Variants in CNTNAP2 observed in about 807,000 individuals in gnomAD.
CNTNAP2 encodes contactin associated protein 2, also known as contactin-associated protein-like 2.
In CNTNAP2, 98 loss-of-function variants were observed where a neutral mutation model predicts 155.2. The observed-to-expected ratio is 0.63, with a 90% confidence interval of 0.54 to 0.75. CNTNAP2 has a LOEUF of 0.75. CNTNAP2 is among the 30% of genes least tolerant of loss of function. CNTNAP2 has a pLI of 0.00. For missense variants in CNTNAP2, 1,727 were observed against 1,688.1 expected (o/e 1.02, Z -0.40); for synonymous variants, 651 against 631.2 (o/e 1.03, Z -0.47).
At chr7:146,218,281 G>A (rs750245476) in intron 1 of CNTNAP2, among the ~76,000 whole-genome samples, 6 of 152,222 alleles carry the variant, frequency 3.9e-5, no homozygotes, top group East Asian at 1.9e-4. Flanking sequence ...AGGCCGAGGC[G>A]GGCAGATCAC....
intron 1 of CNTNAP2, among the ~76,000 whole-genome samples, chr7:146,684,686 T>C (rs957309838): frequency 7.1e-6 from 1 of 140,258 alleles, no homozygotes; most frequent in Non-Finnish European, 1.5e-5. Flanking sequence ...CTGCCAGTTA[T>C]TGACTATGTG....
chr7:147,510,799 T>C (rs1799002407), intron 11 of CNTNAP2, among the ~76,000 whole-genome samples: 1 of 143,516 alleles, frequency 7.0e-6, no homozygotes, highest in Non-Finnish European at 1.5e-5. Flanking sequence ...CAACACTCAA[T>C]TTCTAAATTT....
chr7:148,295,372 A>G (rs959560543), intron 21 of CNTNAP2, among the ~76,000 whole-genome samples: 3 of 150,982 alleles, frequency 2.0e-5, no homozygotes, highest in East Asian at 1.9e-4. Flanking sequence ...TCTTGTAACT[A>G]TAGTAACAAG....
At chr7:148,270,686 A>G (rs1410782094) in intron 21 of CNTNAP2, among the ~76,000 whole-genome samples, 1 of 152,230 alleles carries the variant, frequency 6.6e-6, no homozygotes, top group African/African-American at 2.4e-5. Flanking sequence ...AATCAGTAAG[A>G]TTCGCACAGA....
intron 1 of CNTNAP2, among the ~76,000 whole-genome samples, chr7:146,421,401 A>G (rs1796010465): frequency 6.6e-6 from 1 of 152,144 alleles, no homozygotes; most frequent in East Asian, 1.9e-4. Flanking sequence ...ATCTATTACT[A>G]GTTATAATGA....
At chr7:147,311,896 G>A (rs2116797262) in intron 9 of CNTNAP2, among the ~76,000 whole-genome samples, 1 of 152,146 alleles carries the variant, frequency 6.6e-6, no homozygotes, top group South Asian at 2.1e-4. Context: ...GTCTGTTATT[G>A]CTTATTTTGT....
chr7:146,934,791 A>T (rs1374062205), intron 3 of CNTNAP2, among the ~76,000 whole-genome samples: 7 of 152,172 alleles, frequency 4.6e-5, no homozygotes, highest in Non-Finnish European at 8.8e-5. Flanking sequence ...TTAAATATAT[A>T]ATCAGTTACT....
chr7:147,726,605 C>A (rs965977049), intron 13 of CNTNAP2, among the ~76,000 whole-genome samples: 8 of 151,980 alleles, frequency 5.3e-5, no homozygotes, highest in Non-Finnish European at 1.2e-4. Flanking sequence ...AGGTTGAGAA[C>A]GTCTTTGTCC....
chr7:147,306,234 G>C (rs1289410086), intron 9 of CNTNAP2, among the ~76,000 whole-genome samples: 1 of 152,206 alleles, frequency 6.6e-6, no homozygotes, highest in African/African-American at 2.4e-5. Context: ...TCCTAAAGGA[G>C]ATTCATACTT....
chr7:147,696,187 G>A lies in CNTNAP2; in HGVS notation c.2098+56881G>A, dbSNP rs1022407994. On this transcript the variant is annotated intron_variant, in intron 13 of 23. Transcript: ENST00000361727. ...ACCATTGACATTTAAGGTAAATATC[G>A]ATGTAGTTCAATTAATATCTATAAT... Among the ~76,000 whole-genome samples the A allele has an allele frequency of 1.4e-4, 21 of 152,050 alleles. 1 individual carries two copies. The highest frequency in any genetic ancestry group is 4.1e-4 in the South Asian group (2 of 4,826).
At chr7:148,256,018 G>A (rs925498833) in intron 20 of CNTNAP2, among the ~76,000 whole-genome samples, 1 of 152,146 alleles carries the variant, frequency 6.6e-6, no homozygotes, top group Non-Finnish European at 1.5e-5. Context: ...CTCCCTACCT[G>A]AAAATCCCCA....
chr7:148,306,353 T>G (rs1320932335), intron 21 of CNTNAP2, among the ~76,000 whole-genome samples: 1 of 152,216 alleles, frequency 6.6e-6, no homozygotes, highest in East Asian at 1.9e-4. Context: ...GGAAAGCCGT[T>G]CTTGAACTCT....
intron 2 of CNTNAP2, chr7:146,782,131 C>G (rs1039940502): frequency 1.3e-5 from 2 of 152,204 alleles, no homozygotes; most frequent in African/African-American, 2.4e-5. Context: ...AGCTTCCATT[C>G]CAATATTTTT....
rs536003257 is a variant in CNTNAP2, at chr7:147,043,838, A to T, written c.403-69A>T. The T allele has an allele frequency of 1.9e-6, 3 of 1,568,692 alleles. No individual in the cohort carries two copies. The East Asian group carries it at 6.8e-5, about 35-fold the overall frequency. On this transcript the variant is annotated intron_variant, in intron 3 of 23. Transcript: ENST00000361727. ...ATTGGATGACATTTGTGTTTATTCTAGTAGACAGAGGACATGATTGTTTCT... is the reference window on the plus strand; with the variant it reads ...ATTGGATGACATTTGTGTTTATTCTTGTAGACAGAGGACATGATTGTTTCT...
At position 148,359,630 on chromosome 7, in the gene CNTNAP2, A is replaced by G. The variant is rs569442880; in HGVS notation, c.3476-24019A>G. ...TTTAAGAAAAATGTCTTCTTTTGGAAAGCCATTCAGAAAACATACTCAGTA... is the reference window on the plus strand; with the variant it reads ...TTTAAGAAAAATGTCTTCTTTTGGAGAGCCATTCAGAAAACATACTCAGTA... On this transcript the variant is annotated intron_variant, in intron 21 of 23. Coordinates refer to ENST00000361727, the MANE Select transcript of CNTNAP2 (RefSeq NM_014141.6). 3.4e-4 allele frequency among the ~76,000 whole-genome samples: 52 copies of G among 152,366 alleles called. 1 individual carries two copies. In the South Asian group the frequency reaches 0.011, roughly 32 times the overall value.
intron 12 of CNTNAP2, among the ~76,000 whole-genome samples, chr7:147,583,775 C>G (rs1800563674): frequency 6.6e-6 from 1 of 151,974 alleles, no homozygotes; most frequent in Non-Finnish European, 1.5e-5. Context: ...GTCAGTGTCT[C>G]AGTTAACAAA....
At chr7:147,867,727 T>A (rs1799258542) in intron 13 of CNTNAP2, among the ~76,000 whole-genome samples, 1 of 152,108 alleles carries the variant, frequency 6.6e-6, no homozygotes, top group African/African-American at 2.4e-5. Flanking sequence ...ACCTTTCTTC[T>A]ACTTGATCGA....
At chr7:147,855,522 C>T (rs373097095) in intron 13 of CNTNAP2, among the ~76,000 whole-genome samples, 2 of 133,930 alleles carry the variant, frequency 1.5e-5, no homozygotes, top group South Asian at 2.4e-4. Flanking sequence ...CATGGTGGCT[C>T]ACACCTATAA....
intron 3 of CNTNAP2, among the ~76,000 whole-genome samples, chr7:146,843,376 C>CAACAAGT (rs1562970294): frequency 1.3e-3 from 199 of 152,160 alleles, no homozygotes; most frequent in African/African-American, 4.3e-3. Flanking sequence ...GATCAACAAG[C>CAACAAGT]GGGAAGTCCA....
Sources: allele counts gnomAD v4.1 joint callset (sites outside exome capture counted in the v4.1 genomes callset), GRCh38; gene constraint gnomAD v4.1.1; transcripts MANE v1.5; gene names NCBI Gene and HGNC (gene_info 2026-07-23, HGNC 2026-07-21).